OPCML: variants seen among roughly 807,000 people sequenced by gnomAD.
The protein encoded by OPCML is opioid-binding protein/cell adhesion molecule.
In OPCML, 13 loss-of-function variants were observed where a neutral mutation model predicts 37.8. That is an observed-to-expected ratio of 0.34 (90% CI 0.22 to 0.55). The LOEUF (loss-of-function observed/expected upper bound fraction) is 0.55. OPCML is among the 20% of genes least tolerant of loss of function. The pLI is 0.91. For missense variants in OPCML, 341 were observed against 435.6 expected (o/e 0.78, Z 1.93); for synonymous variants, 176 against 168.8 (o/e 1.04, Z -0.33).
At chr11:133,403,936 C>T (rs1193200346) in intron 1 of OPCML, among the ~76,000 whole-genome samples, 1 of 152,194 alleles carries the variant, frequency 6.6e-6, no homozygotes, top group African/African-American at 2.4e-5. Flanking sequence ...AAAGATAAAA[C>T]TTAGTCTGCA....
intron 4 of OPCML, among the ~76,000 whole-genome samples, chr11:132,515,283 C>A (rs560354362): frequency 6.6e-6 from 1 of 152,200 alleles, no homozygotes; most frequent in African/African-American, 2.4e-5. Context: ...AGAAAAATAA[C>A]ACAAGGAAGG....
At chr11:133,234,993 C>T (rs1326288789) in intron 1 of OPCML, among the ~76,000 whole-genome samples, 2 of 152,136 alleles carry the variant, frequency 1.3e-5, no homozygotes, top group African/African-American at 4.8e-5. Flanking sequence ...GCCGTATTAA[C>T]TGCGGCTGCA....
chr11:133,407,867 G>A (rs922099685), intron 1 of OPCML, among the ~76,000 whole-genome samples: 1 of 152,082 alleles, frequency 6.6e-6, no homozygotes, highest in Non-Finnish European at 1.5e-5. Flanking sequence ...CAGGTCCCTG[G>A]TAATTCTAAA....
chr11:132,851,350 C>A (rs988590521), intron 2 of OPCML, among the ~76,000 whole-genome samples: 1 of 152,056 alleles, frequency 6.6e-6, no homozygotes, highest in Non-Finnish European at 1.5e-5. Context: ...TCTTTGTAAT[C>A]CTATCTACAT....
At chr11:132,816,285 T>C (rs1248408949) in intron 2 of OPCML, among the ~76,000 whole-genome samples, 1 of 152,190 alleles carries the variant, frequency 6.6e-6, no homozygotes, top group African/African-American at 2.4e-5. Flanking sequence ...AAGGGCCAGA[T>C]AATAAATCCT....
chr11:133,104,281 A>G (rs748931393), intron 1 of OPCML, among the ~76,000 whole-genome samples: 1 of 152,224 alleles, frequency 6.6e-6, no homozygotes, highest in Non-Finnish European at 1.5e-5. Context: ...AGAGTACGGA[A>G]GAGTCATCAT....
chr11:132,693,232 T>C (rs1445326375), intron 2 of OPCML, among the ~76,000 whole-genome samples: 1 of 152,020 alleles, frequency 6.6e-6, no homozygotes, highest in African/African-American at 2.4e-5. Flanking sequence ...GGGGAGTGAG[T>C]GGAAGACTGT....
chr11:133,155,085 G>T (rs1950037616), intron 1 of OPCML, among the ~76,000 whole-genome samples: 1 of 152,082 alleles, frequency 6.6e-6, no homozygotes. Context: ...CTACTGGGAA[G>T]GTCTCTTAAT....
intron 2 of OPCML, among the ~76,000 whole-genome samples, chr11:132,715,056 GGCA>G (rs1468955623): frequency 1.3e-5 from 2 of 152,144 alleles, no homozygotes; most frequent in African/African-American, 4.8e-5. Context: ...GGCAAGGGAG[GGCA>G]GGCAGCTCTC....
intron 3 of OPCML, among the ~76,000 whole-genome samples, chr11:132,543,413 T>A (rs544911606): frequency 6.6e-6 from 1 of 152,144 alleles, no homozygotes; most frequent in East Asian, 1.9e-4. Context: ...CTCGGGAGAC[T>A]GAGGCAGGAG....
At position 133,090,082 on chromosome 11, in the gene OPCML, G is replaced by A. The variant is rs148995324; in HGVS notation, c.62-147072C>T. Among the ~76,000 whole-genome samples, 1,038 of 152,214 alleles carry A rather than the reference G, an allele frequency of 6.8e-3. 17 individuals carry two copies. The highest frequency in any genetic ancestry group is 0.024 in the African/African-American group (1,003 of 41,528). On this transcript the variant is annotated intron_variant, in intron 1 of 7. Coordinates refer to ENST00000524381, the MANE Select transcript of OPCML (RefSeq NM_001012393.5). Reference sequence around the variant, plus strand: ...ATCCTCTTCTCTACTAGGCCTTGTCGTTGGCTCGGTTTTAGCCAAGAATCC... The same window carrying A: ...ATCCTCTTCTCTACTAGGCCTTGTCATTGGCTCGGTTTTAGCCAAGAATCC...
chr11:132,521,298 T>C (rs945078818), intron 4 of OPCML, among the ~76,000 whole-genome samples: 2 of 152,210 alleles, frequency 1.3e-5, no homozygotes, highest in Admixed American at 6.5e-5. Context: ...GATGAGTAGA[T>C]TGCAAAAAGT....
chr11:132,526,075 A>T (rs1211014881), intron 4 of OPCML, among the ~76,000 whole-genome samples: 1 of 152,174 alleles, frequency 6.6e-6, no homozygotes, highest in Non-Finnish European at 1.5e-5. Flanking sequence ...CTAAATTGCA[A>T]CTATTACACT....
chr11:132,578,229 A>G (rs1260199120), intron 3 of OPCML, among the ~76,000 whole-genome samples: 1 of 152,202 alleles, frequency 6.6e-6, no homozygotes, highest in Admixed American at 6.5e-5. Flanking sequence ...GTCTGTTTAC[A>G]GGTGCAATTA....
chr11:133,329,239 G>A (rs561114144), intron 1 of OPCML, among the ~76,000 whole-genome samples: 26 of 152,274 alleles, frequency 1.7e-4, no homozygotes, highest in Admixed American at 9.1e-4. Context: ...AATCAATATC[G>A]TGAGAATGGC....
intron 1 of OPCML, among the ~76,000 whole-genome samples, chr11:133,253,305 C>T (rs1397620658): frequency 2.0e-5 from 3 of 151,952 alleles, no homozygotes; most frequent in Non-Finnish European, 4.4e-5. Flanking sequence ...CAGTGCAAGT[C>T]ACATTTTATT....
intron 2 of OPCML, among the ~76,000 whole-genome samples, chr11:132,842,955 G>A (rs1002729865): frequency 7.9e-5 from 12 of 152,286 alleles, no homozygotes; most frequent in African/African-American, 2.2e-4. Context: ...CTTCAAACTC[G>A]TCATGCTTTG....
intron 1 of OPCML, among the ~76,000 whole-genome samples, chr11:132,947,452 A>C (rs1018310285): frequency 6.6e-6 from 1 of 152,222 alleles, no homozygotes; most frequent in Non-Finnish European, 1.5e-5. Context: ...TTCCTAGCTC[A>C]ATATTTCTGA....
At chr11:133,268,029 C>G (rs1005418894) in intron 1 of OPCML, among the ~76,000 whole-genome samples, 1 of 152,168 alleles carries the variant, frequency 6.6e-6, no homozygotes, top group East Asian at 1.9e-4. Flanking sequence ...AGGTGCAGTT[C>G]CTTCTGTGTG....
Sources: allele counts gnomAD v4.1 joint callset (sites outside exome capture counted in the v4.1 genomes callset), GRCh38; gene constraint gnomAD v4.1.1; transcripts MANE v1.5; gene names NCBI Gene and HGNC (gene_info 2026-07-23, HGNC 2026-07-21).